UGDH: variants seen among roughly 807,000 people sequenced by gnomAD.
The protein encoded by UGDH is UDP-Glc dehydrogenase.
Under a neutral mutation model 50.6 loss-of-function variants are expected in UGDH, and 38 were observed. That is an observed-to-expected ratio of 0.75 (90% CI 0.58 to 0.98). The LOEUF is 0.98. Ranked by LOEUF, UGDH falls within the 50% of genes least tolerant of loss-of-function variation. UGDH has a pLI of 0.00. For synonymous variants in UGDH, 168 were observed against 199.9 expected (o/e 0.84, Z 1.35); for missense variants, 465 against 606.2 (o/e 0.77, Z 2.45).
rs1347966603 is a variant in UGDH at position 39,505,848 on chromosome 4, C to T, written c.907-100G>A. On this transcript the variant is annotated intron_variant, in intron 7 of 11. Coordinates refer to ENST00000316423, the MANE Select transcript of UGDH (RefSeq NM_003359.4). ...TATGGTGAGTGCTATTGTACAAATA[C>T]AATGCTTACATATTAACAAGAGGCA... The T allele has an allele frequency of 8.4e-6, 10 of 1,192,602 alleles. No individual in the cohort carries two copies. In the South Asian group the frequency reaches 2.1e-4, roughly 25 times the overall value. 73.9% of individuals were successfully genotyped at this position (1,192,602 alleles called of 1,614,324 possible). A position where few individuals can be genotyped will look rare whatever the true frequency, so the allele number is the denominator to read the frequency against.
intron 3 of UGDH, among the ~76,000 whole-genome samples, chr4:39,513,779 C>A (rs559768984): frequency 6.6e-6 from 1 of 152,254 alleles, no homozygotes; most frequent in South Asian, 2.1e-4. Flanking sequence ...TTGTGATCTG[C>A]CCACCTTGGC....
chr4:39,509,022 T>A (rs951332771), intron 6 of UGDH, among the ~76,000 whole-genome samples: 33 of 149,970 alleles, frequency 2.2e-4, no homozygotes, highest in Middle Eastern at 3.2e-3. Context: ...TCGCCCAGGC[T>A]GAAGTGTAGG....
At chr4:39,520,068 G>A (rs527450514) in intron 2 of UGDH, among the ~76,000 whole-genome samples, 1 of 152,144 alleles carries the variant, frequency 6.6e-6, no homozygotes, top group Non-Finnish European at 1.5e-5. Context: ...GCCGGGCATG[G>A]TGGCTCACAC....
At chr4:39,527,438 ACT>A (rs1321251478) in exon 1 of UGDH, 2 of 221,082 alleles carry the variant, frequency 9.0e-6, no homozygotes, top group Middle Eastern at 4.3e-3. Flanking sequence ...CACGCGTTAC[ACT>A]CTGAGTCCCG....
At chr4:39,506,199 G>T (rs574711307) in intron 7 of UGDH, among the ~76,000 whole-genome samples, 1 of 146,052 alleles carries the variant, frequency 6.8e-6, no homozygotes, top group African/African-American at 2.5e-5. Context: ...CTGCACTCCA[G>T]CCTGGGCGAC....
Position 39,527,311 on chromosome 4 carries a change from G to A in UGDH, c.-36C>T. The A allele has an allele frequency of 6.1e-6, 2 of 329,198 alleles. No homozygotes were observed. The highest frequency in any genetic ancestry group is 2.4e-5 in the South Asian group (1 of 41,992). 20.4% of individuals were successfully genotyped at this position (329,198 alleles called of 1,614,324 possible). A position where few individuals can be genotyped will look rare whatever the true frequency, so the allele number is the denominator to read the frequency against. ...CTTCCCAGCAGCAAGCGCAGGGACC[G>A]CTCCTATCCCGATCGTTCGGACAGC... On this transcript the variant is annotated 5_prime_UTR_variant, in exon 1 of 12. Transcript: ENST00000316423.
Position 39,509,906 on chromosome 4 carries a change from G to A in UGDH, c.665C>T (p.Ala222Val), listed in dbSNP as rs566624969. ...NTWSSELSKL[A>V]ANAFLAQRIS... ...TCTCTGGGCAAGAAAAGCATTTGCT[G>A]CCTTAAAAAAAAAAAACATAGAGAA... The change falls in exon 6 of 12, where the codon GCA (alanine) becomes GTA (valine). Residue 222 changes from alanine to valine, a missense_variant and splice_region_variant. Coordinates refer to ENST00000316423, the MANE Select transcript of UGDH (RefSeq NM_003359.4). The A allele has an allele frequency of 1.3e-6, 2 of 1,567,686 alleles. No individual in the cohort carries two copies. Among genetic ancestry groups the A allele is most frequent in the Admixed American group, 2.1e-5 (1 of 48,138 alleles).
intron 2 of UGDH, among the ~76,000 whole-genome samples, chr4:39,518,696 G>A (rs1746529009): frequency 6.6e-6 from 1 of 151,284 alleles, no homozygotes; most frequent in East Asian, 1.9e-4. Flanking sequence ...CTGGGCTCAA[G>A]CAATCCTCTC....
chr4:39,524,922 T>G (rs574118302), intron 1 of UGDH, among the ~76,000 whole-genome samples: 9 of 152,362 alleles, frequency 5.9e-5, no homozygotes, highest in Non-Finnish European at 1.2e-4. Context: ...TCAGCTGGGA[T>G]AGACTACTGA....
chr4:39,526,362 A>G (rs1426156846), intron 1 of UGDH: 1 of 152,252 alleles, frequency 6.6e-6, no homozygotes, highest in Non-Finnish European at 1.5e-5. Flanking sequence ...GATCTTTTCA[A>G]TCAGGGTTGT....
chr4:39,504,083 T>C (rs1745932715), intron 10 of UGDH, 98 bp from the exon 11 acceptor site: 1 of 950,742 alleles, frequency 1.1e-6, no homozygotes, highest in Non-Finnish European at 1.6e-6. Flanking sequence ...CCAAGATGGG[T>C]GGATCACGAG....
rs1746863662 is a variant in UGDH at position 39,525,797 on chromosome 4, C to G, written c.-8+1486G>C. On this transcript the variant is annotated intron_variant, in intron 1 of 11. Transcript: ENST00000316423. ...GTGCTGGGATTACAGGCGTGAGCCACCACGCCCGGCCCCCATTTTCTATTT... is the reference window on the plus strand; with the variant it reads ...GTGCTGGGATTACAGGCGTGAGCCAGCACGCCCGGCCCCCATTTTCTATTT... 3.9e-5 allele frequency among the ~76,000 whole-genome samples: 6 copies of G among 152,246 alleles called. No homozygotes were observed. The South Asian group carries it at 1.2e-3, about 31-fold the overall frequency.
Position 39,501,114 on chromosome 4 carries a change from C to T in UGDH, c.1375-861G>A, listed in dbSNP as rs532372001. Among the ~76,000 whole-genome samples the T allele has an allele frequency of 1.0e-3, 155 of 151,744 alleles. 2 individuals carry two copies. In the South Asian group the frequency reaches 0.03, roughly 29 times the overall value. Reference sequence around the variant, plus strand: ...CCAAGTAGCTAGGATTACAAGCGCCCGCCACCACACCAGGCTAATGTTTTT... The same window carrying T: ...CCAAGTAGCTAGGATTACAAGCGCCTGCCACCACACCAGGCTAATGTTTTT... On this transcript the variant is annotated intron_variant, in intron 11 of 11. Coordinates refer to ENST00000316423, the MANE Select transcript of UGDH (RefSeq NM_003359.4).
At chr4:39,507,353 C>T (rs528154419) in intron 7 of UGDH, among the ~76,000 whole-genome samples, 38 of 152,332 alleles carry the variant, frequency 2.5e-4, no homozygotes, top group Non-Finnish European at 3.7e-4. Flanking sequence ...AAACAAATAT[C>T]AGCAGATACA....
chr4:39,525,789 G>A (rs556332264), intron 1 of UGDH, among the ~76,000 whole-genome samples: 63 of 152,308 alleles, frequency 4.1e-4, no homozygotes, highest in South Asian at 8.3e-4. Flanking sequence ...GATTACAGGC[G>A]TGAGCCACCA....
At chr4:39,504,602 G>C in intron 9 of UGDH, 94 bp from the exon 10 acceptor site, 2 of 1,074,482 alleles carry the variant, frequency 1.9e-6, no homozygotes, top group Non-Finnish European at 2.8e-6. Flanking sequence ...TACATTCCAA[G>C]ACCCCCAGTA....
intron 2 of UGDH, among the ~76,000 whole-genome samples, chr4:39,519,810 G>T (rs923688498): frequency 2.0e-5 from 3 of 152,234 alleles, no homozygotes; most frequent in African/African-American, 4.8e-5. Flanking sequence ...AAAGTGCTAG[G>T]ATTACAGGTG....
At chr4:39,507,508 C>T (rs952946704) in intron 7 of UGDH, among the ~76,000 whole-genome samples, 6 of 152,278 alleles carry the variant, frequency 3.9e-5, no homozygotes, top group Middle Eastern at 3.4e-3. Flanking sequence ...GCCTCAGCCT[C>T]GCCAGGCCAG....
At chr4:39,515,228 T>C (rs1002689011) in intron 2 of UGDH, among the ~76,000 whole-genome samples, 5 of 152,220 alleles carry the variant, frequency 3.3e-5, no homozygotes, top group Non-Finnish European at 7.3e-5. Flanking sequence ...TGCTTTGTCA[T>C]TGTTTACCAT....
Sources: allele counts gnomAD v4.1 joint callset (sites outside exome capture counted in the v4.1 genomes callset), GRCh38; gene constraint gnomAD v4.1.1; transcripts MANE v1.5; gene names NCBI Gene and HGNC (gene_info 2026-07-23, HGNC 2026-07-21).